The following RNF170 variants were observed in gnomAD, a reference collection of about 807,000 sequenced individuals.
The protein encoded by RNF170 is E3 ubiquitin-protein ligase RNF170.
RNF170 carries 12 observed loss-of-function variants against 32.7 expected under a neutral mutation model. The observed-to-expected ratio is 0.37, with a 90% CI of 0.24 to 0.60. RNF170 has a LOEUF of 0.60. Among genes scored for constraint, RNF170 ranks in the 20% least tolerant of loss-of-function variants. RNF170 has a pLI of 0.72. For missense variants in RNF170, 212 were observed against 311.2 expected (o/e 0.68, Z 2.40); for synonymous variants, 91 against 103.6 (o/e 0.88, Z 0.74).
At chr8:42,893,481 TA>T (rs1420866149) in intron 1 of RNF170, among the ~76,000 whole-genome samples, 1 of 152,188 alleles carries the variant, frequency 6.6e-6, no homozygotes, top group Non-Finnish European at 1.5e-5. Context: ...TGGACTTACA[TA>T]AAGTTTCAGT....
chr8:42,868,280 T>C (rs1804266817), intron 4 of RNF170, among the ~76,000 whole-genome samples: 1 of 150,770 alleles, frequency 6.6e-6, no homozygotes, highest in Admixed American at 6.6e-5. Context: ...AATAACACTG[T>C]ATCTAATAAT....
chr8:42,865,970 G>A (rs1477423222), intron 4 of RNF170, among the ~76,000 whole-genome samples: 1 of 152,062 alleles, frequency 6.6e-6, no homozygotes, highest in Non-Finnish European at 1.5e-5. Flanking sequence ...GGGCAACAAA[G>A]CAAGACTCTG....
At chr8:42,896,917 C>T, upstream of RNF170, 1 of 377,118 alleles carries the variant, frequency 2.7e-6, no homozygotes. Context: ...TCCGAAGTCG[C>T]GCGCGGCTGG....
chr8:42,896,371 C>G, intron 1 of RNF170, 113 bp downstream of exon 1: 1 of 428,010 alleles, frequency 2.3e-6, no homozygotes, highest in East Asian at 7.9e-5. Context: ...CGGCGACTCC[C>G]GCCGCCCCGC....
chr8:42,850,873 T>C (rs1215568316), downstream of RNF170: 2 of 1,551,644 alleles, frequency 1.3e-6, no homozygotes, highest in Non-Finnish European at 1.7e-6. Context: ...CATTCGGTCA[T>C]GGGGTATATG....
In RNF170 at chr8:42,870,110, A is replaced by G; in HGVS notation, c.216T>C (p.Asp72=). The G allele has an allele frequency of 6.2e-7, 1 of 1,611,962 alleles. No individual in the cohort carries two copies. Among genetic ancestry groups the G allele is most frequent in the Non-Finnish European group, 8.5e-7 (1 of 1,178,120 alleles). Residue 72 remains aspartate (D), a splice_region_variant and synonymous_variant, in exon 4 of 7, where the codon GAT becomes GAC. Transcript: ENST00000527424. ...VLREQLQTEQ[D]APAATRQQFY... ...ACTGCTGTCGAGTGGCAGCAGGTGC[A>G]TCCTAATAAGAACACAGGTGCACAC... is the stretch of plus-strand genomic sequence containing the variant.
At chr8:42,866,425 GGCTACTTGGGA>G (rs1283402529) in intron 4 of RNF170, among the ~76,000 whole-genome samples, 3 of 151,554 alleles carry the variant, frequency 2.0e-5, no homozygotes, top group East Asian at 1.9e-4. Context: ...CTACTTGGGA[GGCTACTTGGGA>G]GCTACTTGGG....
In RNF170 at chr8:42,855,608, G is replaced by T; in HGVS notation, c.*551C>A. On this transcript the variant is annotated 3_prime_UTR_variant, in exon 7 of 7. Transcript: ENST00000527424. ...GTTCAAGTTTCTTCTTTCAGTTTCAGCTGATAGCAAATAATTAATTATACC... is the reference window on the plus strand; with the variant it reads ...GTTCAAGTTTCTTCTTTCAGTTTCATCTGATAGCAAATAATTAATTATACC... 1 of 1,277,842 alleles carries T rather than the reference G, an allele frequency of 7.8e-7. No homozygotes were observed. Among genetic ancestry groups the T allele is most frequent in the Non-Finnish European group, 1.0e-6 (1 of 979,902 alleles). 79.2% of individuals were successfully genotyped at this position (1,277,842 alleles called of 1,614,324 possible).
chr8:42,851,244 G>A (rs1586464365), downstream of RNF170, among the ~76,000 whole-genome samples: 2 of 152,122 alleles, frequency 1.3e-5, no homozygotes, highest in Admixed American at 1.3e-4. Flanking sequence ...GAAATGCCAG[G>A]GCTTGTTGAT....
chr8:42,856,143 A>AT lies in RNF170; in HGVS notation c.*15_*16insA. The AT allele has an allele frequency of 4.3e-6, 7 of 1,611,784 alleles. No individual in the cohort carries two copies. The highest frequency in any genetic ancestry group is 5.9e-6 in the Non-Finnish European group (7 of 1,179,672). On this transcript the variant is annotated 3_prime_UTR_variant, in exon 7 of 7. Coordinates refer to ENST00000527424, the MANE Select transcript of RNF170 (RefSeq NM_030954.4). ...TTAGCTCAGATATCCTAGTAAACTC[A>AT]GTTTTGTTTTCTTTTTCATCTAGTT...
intron 2 of RNF170, among the ~76,000 whole-genome samples, chr8:42,883,537 C>G (rs1805579194): frequency 7.2e-6 from 1 of 138,848 alleles, no homozygotes; most frequent in Non-Finnish European, 1.5e-5. Flanking sequence ...CCACTGCACT[C>G]CAGCCTAGGT....
chr8:42,874,905 C>T (rs1473849405), intron 2 of RNF170, among the ~76,000 whole-genome samples: 2 of 152,258 alleles, frequency 1.3e-5, no homozygotes, highest in Non-Finnish European at 2.9e-5. Context: ...GGCACGGTGG[C>T]TCATGCCTGT....
At chr8:42,890,958 C>G (rs2128956171) in intron 1 of RNF170, among the ~76,000 whole-genome samples, 1 of 152,270 alleles carries the variant, frequency 6.6e-6, no homozygotes. Flanking sequence ...AGAAGATAAA[C>G]AGGAAACAAA....
chr8:42,873,142 G>A (rs1303553709), intron 3 of RNF170, among the ~76,000 whole-genome samples: 12 of 151,938 alleles, frequency 7.9e-5, no homozygotes, highest in East Asian at 7.7e-4. Context: ...TGATTCTCCC[G>A]CCTCGGCCTC....
rs190754898 is a variant in RNF170 at position 42,860,998 on chromosome 8, G to A, written c.507+747C>T. Among the ~76,000 whole-genome samples, 54 of 152,286 alleles carry A rather than the reference G, an allele frequency of 3.5e-4. 1 individual carries two copies. In the East Asian group the frequency reaches 8.1e-3, roughly 23 times the overall value. On this transcript the variant is annotated intron_variant, in intron 6 of 6. Coordinates refer to ENST00000527424, the MANE Select transcript of RNF170 (RefSeq NM_030954.4). ...CTCCCAAAGTGCTGGGATTACAGGC[G>A]TGAGCCACCGCCCCCAGCCAACCTG...
Position 42,861,840 on chromosome 8 carries a change from T to A in RNF170, c.412A>T (p.Thr138Ser), listed in dbSNP as rs1288723334. 1 of 1,613,540 alleles carries A rather than the reference T, an allele frequency of 6.2e-7. No individual in the cohort carries two copies. The highest frequency in any genetic ancestry group is 2.2e-5 in the East Asian group (1 of 44,862). ...GACTGATCATCTTCACCAAATACTG[T>A]TAGGAGTAAGGTTACCTGTATATTA... ...ICRQTVTLLLTVFGEDDQSQD... is the reference protein window; with the variant it reads ...ICRQTVTLLLSVFGEDDQSQD... The change falls in exon 6 of 7, where the codon ACA becomes TCA. Residue 138 changes from threonine (T) to serine (S), a missense_variant. This residue lies in a region of RNF170 where 97 missense variants were observed against 178.9 expected (regional missense o/e 0.54). Coordinates refer to ENST00000527424, the MANE Select transcript of RNF170 (RefSeq NM_030954.4).
At chr8:42,856,473 T>G in intron 6 of RNF170, 45 bp from the exon 7 acceptor site, 3 of 1,345,738 alleles carry the variant, frequency 2.2e-6, no homozygotes, top group Non-Finnish European at 3.2e-6. Context: ...ACCTAATGTG[T>G]CAGATTTCAA....
intron 6 of RNF170, among the ~76,000 whole-genome samples, chr8:42,856,894 T>A (rs780205357): frequency 3.3e-5 from 5 of 152,186 alleles, no homozygotes; most frequent in Non-Finnish European, 5.9e-5. Context: ...TGTATTTATG[T>A]GCAAGGACTG....
At chr8:42,857,678 T>C (rs951225100) in intron 6 of RNF170, among the ~76,000 whole-genome samples, 1 of 152,246 alleles carries the variant, frequency 6.6e-6, no homozygotes, top group Non-Finnish European at 1.5e-5. Context: ...ACTCATTAAA[T>C]ATCTGACACA....
Sources: gnomAD v4.1 joint callset for allele counts (sites outside exome capture counted in the v4.1 genomes callset) on GRCh38, gnomAD v4.1.1 for gene constraint, gnomAD v4.1.1 regional missense constraint, MANE v1.5 for transcripts, NCBI Gene and HGNC (gene_info 2026-07-23, HGNC 2026-07-21) for gene names.